Variants in OTUD7A observed in about 807,000 individuals in gnomAD.
OTUD7A encodes the protein OTU deubiquitinase 7A, also known as OTU domain-containing protein 7A.
Under a neutral mutation model 65.7 loss-of-function variants are expected in OTUD7A, and 12 were observed. That is an observed-to-expected ratio of 0.18 (90% CI 0.12 to 0.30). The LOEUF is 0.30. OTUD7A is among the 10% of genes least tolerant of loss of function. The pLI, the probability that OTUD7A is intolerant of heterozygous loss-of-function variation, is 1.00. For synonymous variants in OTUD7A, 641 were observed against 586.3 expected, an observed-to-expected ratio of 1.09 and a Z score of -1.35; for missense variants, 1,148 against 1,304.8, an observed-to-expected ratio of 0.88 and a Z score of 1.85.
At position 31,730,607 on chromosome 15, in the gene OTUD7A, G is replaced by A. The variant is rs375817819; in HGVS notation, c.-99-73530C>T. ...CACTGAAGTGACCACACCAGATGAT[G>A]AGAGGTCAGATTCAGCTGCTGCCAA... is the stretch of plus-strand genomic sequence containing the variant. On this transcript the variant is annotated intron_variant, in intron 1 of 12. Transcript: ENST00000307050. 5.3e-4 allele frequency among the ~76,000 whole-genome samples: 80 copies of A among 152,350 alleles called. 1 individual carries two copies. The highest frequency in any genetic ancestry group is 3.9e-3 in the South Asian group (19 of 4,828).
intron 1 of OTUD7A, among the ~76,000 whole-genome samples, chr15:31,839,586 C>G (rs1057292721): frequency 1.3e-5 from 2 of 152,238 alleles, no homozygotes; most frequent in Non-Finnish European, 2.9e-5. Flanking sequence ...AGCACCTGCA[C>G]AGAAGCACGT....
In OTUD7A at chr15:31,570,146, T is replaced by G; in HGVS notation, c.203A>C (p.Gln68Pro). The change falls in exon 4 of 13, where the codon CAG becomes CCG. Residue 68 changes from glutamine (Q) to proline (P), a missense_variant. Gln to Pro is a moderately conservative substitution (Grantham distance 76). This residue lies in a region of OTUD7A where 51 missense variants were observed against 46.9 expected (regional missense o/e 1.09). Transcript: ENST00000307050. ...ATGTGGCAGATTGGCTGTGTGCACCTGGCGGAGCTGCTCATAGTCGCTCAG... is the reference window on the plus strand; with the variant it reads ...ATGTGGCAGATTGGCTGTGTGCACCGGGCGGAGCTGCTCATAGTCGCTCAG... ...AALSDYEQLR[Q>P]VHTANLPHVF... The G allele has an allele frequency of 6.2e-7, 1 of 1,614,202 alleles. No homozygotes were observed. Among genetic ancestry groups the G allele is most frequent in the Non-Finnish European group, 8.5e-7 (1 of 1,180,028 alleles).
chr15:31,773,056 A>C (rs966398), intron 1 of OTUD7A, among the ~76,000 whole-genome samples: 136,450 of 152,228 alleles, frequency 0.9, 62,505 homozygotes, highest in East Asian at 1. Context: ...ATATGTAGAT[A>C]TAAACCTATC....
chr15:31,499,195 C>A (rs762319137), intron 10 of OTUD7A, among the ~76,000 whole-genome samples: 1 of 152,176 alleles, frequency 6.6e-6, no homozygotes, highest in Non-Finnish European at 1.5e-5. Context: ...TTTTTTATCT[C>A]ATTTCCAGGC....
chr15:31,691,135 G>T (rs1237566774), intron 1 of OTUD7A, among the ~76,000 whole-genome samples: 2 of 152,240 alleles, frequency 1.3e-5, no homozygotes, highest in East Asian at 3.9e-4. Flanking sequence ...TGGATTAGAA[G>T]AATTAATATT....
intron 1 of OTUD7A, among the ~76,000 whole-genome samples, chr15:31,827,344 C>T (rs1175937732): frequency 6.6e-6 from 1 of 152,160 alleles, no homozygotes; most frequent in East Asian, 1.9e-4. Flanking sequence ...AAGCAGAAAC[C>T]CTGGATAAAC....
At position 31,623,559 on chromosome 15, in the gene OTUD7A, C is replaced by T. The variant is rs541794133; in HGVS notation, c.151+31537G>A. 3.3e-5 allele frequency among the ~76,000 whole-genome samples: 5 copies of T among 152,350 alleles called. No homozygotes were observed. The South Asian group carries it at 8.3e-4, about 25-fold the overall frequency. On this transcript the variant is annotated intron_variant, in intron 3 of 12. Transcript: ENST00000307050. ...GAGGCTCCGTGGGCGTGGGACCCTC[C>T]GAGCCAGGCGTGGGATATAATCTCC... is the stretch of plus-strand genomic sequence containing the variant.
Position 31,484,216 on chromosome 15 carries a change from A to AGCTTCACATCCGTGCTGT in OTUD7A, c.1862_1879dup (p.Lys626_Leu627insHisSerThrAspValLys). On this transcript the variant is annotated inframe_insertion, in exon 13 of 13. Transcript: ENST00000307050. This position sits in a 1 kb window ranked among gnomAD's most constrained non-coding sequence, Gnocchi z 4.5. The stretch of plus-strand genomic sequence containing the variant: ...GGCGGCGCGCAGGATGTTGAGGCTC[A>AGCTTCACATCCGTGCTGT]GCTTCACATCCGTGCTGTACTTCCA... The AGCTTCACATCCGTGCTGT allele has an allele frequency of 6.2e-7, 1 of 1,608,058 alleles. No homozygotes were observed. Among genetic ancestry groups the AGCTTCACATCCGTGCTGT allele is most frequent in the Non-Finnish European group, 8.5e-7 (1 of 1,178,686 alleles).
At chr15:31,653,338 G>C (rs1319541888) in intron 3 of OTUD7A, among the ~76,000 whole-genome samples, 1 of 152,076 alleles carries the variant, frequency 6.6e-6, no homozygotes, top group African/African-American at 2.4e-5. Context: ...AGCTCTAGTT[G>C]TAACTGCCAA....
intron 10 of OTUD7A, among the ~76,000 whole-genome samples, chr15:31,490,824 A>G (rs1347997728): frequency 2.6e-5 from 4 of 152,194 alleles, no homozygotes; most frequent in African/African-American, 7.2e-5. Context: ...TACCTCTACC[A>G]AGGAATAAAA....
intron 1 of OTUD7A, among the ~76,000 whole-genome samples, chr15:31,805,701 T>A (rs1414032795): frequency 6.6e-6 from 1 of 152,188 alleles, no homozygotes; most frequent in Non-Finnish European, 1.5e-5. Flanking sequence ...GAGGAGAAGG[T>A]GTGCTTCTCT....
At chr15:31,867,015 C>T (rs976966778) in intron 1 of OTUD7A, among the ~76,000 whole-genome samples, 1 of 152,110 alleles carries the variant, frequency 6.6e-6, no homozygotes, top group Non-Finnish European at 1.5e-5. Flanking sequence ...TGAGGAACCT[C>T]AGTAGGAGAG....
At chr15:31,755,139 A>G (rs1567006203) in intron 1 of OTUD7A, among the ~76,000 whole-genome samples, 1 of 151,730 alleles carries the variant, frequency 6.6e-6, no homozygotes, top group Non-Finnish European at 1.5e-5. Flanking sequence ...GAAGGTGGGA[A>G]GAGGGGAAGT....
At chr15:31,562,311 T>C (rs945727548) in intron 4 of OTUD7A, among the ~76,000 whole-genome samples, 51 of 152,300 alleles carry the variant, frequency 3.3e-4, no homozygotes, top group African/African-American at 1.2e-3. Flanking sequence ...TCCAGCTGGC[T>C]CTTACTCTCC....
intron 3 of OTUD7A, among the ~76,000 whole-genome samples, chr15:31,633,001 G>A (rs1022735120): frequency 4.6e-5 from 7 of 151,992 alleles, no homozygotes; most frequent in East Asian, 3.8e-4. Flanking sequence ...GGAGTGAACC[G>A]ATTTTCCAGG....
chr15:31,823,436 A>G (rs1896732914), intron 1 of OTUD7A, among the ~76,000 whole-genome samples: 1 of 152,222 alleles, frequency 6.6e-6, no homozygotes, highest in African/African-American at 2.4e-5. Flanking sequence ...AGACTCCCAC[A>G]CCAAGCAATC....
chr15:31,785,634 C>A (rs1191897256), intron 1 of OTUD7A, among the ~76,000 whole-genome samples: 1 of 152,162 alleles, frequency 6.6e-6, no homozygotes, highest in Non-Finnish European at 1.5e-5. Flanking sequence ...CTGACTCTGG[C>A]CCCCAAGCAA....
chr15:31,487,335 G>C lies in OTUD7A; in HGVS notation c.1287-57C>G. On this transcript the variant is annotated intron_variant, in intron 11 of 12. Transcript: ENST00000307050. This position sits in a 1 kb window ranked among gnomAD's most constrained non-coding sequence, Gnocchi z 6.0. The stretch of plus-strand genomic sequence containing the variant: ...TCTGAGCTGGCCCTTATAGCACCCA[G>C]TCCACTTGCATGCCAGCTGTCCCAG... The C allele has an allele frequency of 6.3e-7, 1 of 1,593,942 alleles. No individual in the cohort carries two copies. The highest frequency in any genetic ancestry group is 8.6e-7 in the Non-Finnish European group (1 of 1,163,160).
chr15:31,736,188 T>C (rs1227852142), intron 1 of OTUD7A, among the ~76,000 whole-genome samples: 1 of 152,116 alleles, frequency 6.6e-6, no homozygotes, highest in Non-Finnish European at 1.5e-5. Flanking sequence ...GTAACAAACA[T>C]GTGCCCCTGA....
Sources: allele counts gnomAD v4.1 joint callset (sites outside exome capture counted in the v4.1 genomes callset), GRCh38; gene constraint gnomAD v4.1.1; regional missense constraint gnomAD v4.1.1; non-coding constraint Gnocchi (gnomAD v3.1); transcripts MANE v1.5; gene names NCBI Gene and HGNC (gene_info 2026-07-23, HGNC 2026-07-21).